The following MTUS2 variants were observed in gnomAD, a reference collection of about 807,000 sequenced individuals.
MTUS2 encodes the protein microtubule-associated tumor suppressor candidate 2.
MTUS2 carries 40 observed loss-of-function variants against 114.1 expected under a neutral mutation model. That is an observed-to-expected ratio of 0.35 (90% CI 0.27 to 0.46). The LOEUF (loss-of-function observed/expected upper bound fraction) is 0.46. MTUS2 is among the 20% of genes least tolerant of loss of function. The pLI is 1.00. For missense variants in MTUS2, 1,679 were observed against 1,705.4 expected (o/e 0.98, Z 0.27); for synonymous variants, 688 against 672.0 (o/e 1.02, Z -0.37).
Position 29,505,799 on chromosome 13 carries a change from T to C in MTUS2, c.*2593T>C, listed in dbSNP as rs1883201170. 4.4e-6 allele frequency: 1 copy of C among 229,608 alleles called. No homozygotes were observed. The highest frequency in any genetic ancestry group is 8.6e-6 in the Non-Finnish European group (1 of 115,848). The allele number at this position is 229,608 out of a possible 1,614,324, so 14.2% of individuals were successfully genotyped here. A position where few individuals can be genotyped will look rare whatever the true frequency, so the allele number is the denominator to read the frequency against. On this transcript the variant is annotated 3_prime_UTR_variant, in exon 16 of 16. Transcript: ENST00000612955. ...CCACATGCTGGGACAAGGTTCTGGC[T>C]GGATGTCAGAATGGATGGGGGTGGG...
chr13:28,868,405 G>A (rs1046561165), intron 2 of MTUS2, among the ~76,000 whole-genome samples: 2 of 152,154 alleles, frequency 1.3e-5, no homozygotes, highest in Non-Finnish European at 2.9e-5. Context: ...AGCCTGCTGG[G>A]TTGGCGCCAC....
At chr13:29,105,663 T>TTTTTTTTTG (rs1555237248) in intron 5 of MTUS2, among the ~76,000 whole-genome samples, 2 of 140,358 alleles carry the variant, frequency 1.4e-5, no homozygotes, top group Non-Finnish European at 3.2e-5. Flanking sequence ...TTTTCTTTTT[T>TTTTTTTTTG]TCCTGGTGCA....
chr13:29,215,263 A>G (rs1455507115), intron 5 of MTUS2, among the ~76,000 whole-genome samples: 1 of 151,836 alleles, frequency 6.6e-6, no homozygotes, highest in African/African-American at 2.4e-5. Flanking sequence ...CAGTTCCTGT[A>G]AGCTTTTATC....
chr13:29,091,618 A>T (rs774499360), intron 4 of MTUS2, among the ~76,000 whole-genome samples: 1 of 152,106 alleles, frequency 6.6e-6, no homozygotes, highest in East Asian at 1.9e-4. Flanking sequence ...CCTAGTTGAG[A>T]CACATAACCA....
intron 7 of MTUS2, among the ~76,000 whole-genome samples, chr13:29,350,693 A>T (rs1228994708): frequency 3.3e-5 from 5 of 151,472 alleles, no homozygotes; most frequent in Non-Finnish European, 7.4e-5. Context: ...TAAACAACAG[A>T]TTTTTTTTCT....
chr13:29,196,128 G>A (rs1195359488), intron 5 of MTUS2, among the ~76,000 whole-genome samples: 1 of 148,598 alleles, frequency 6.7e-6, no homozygotes. Flanking sequence ...ATGGAGTCTC[G>A]CTCTGTCGCC....
intron 2 of MTUS2, among the ~76,000 whole-genome samples, chr13:29,003,078 G>A (rs1381219346): frequency 2.6e-5 from 4 of 152,216 alleles, no homozygotes; most frequent in Non-Finnish European, 4.4e-5. Context: ...AACACACTGA[G>A]AGTTCACGCC....
At chr13:28,840,667 G>A (rs1276630054) in intron 2 of MTUS2, among the ~76,000 whole-genome samples, 3 of 152,204 alleles carry the variant, frequency 2.0e-5, no homozygotes, top group Non-Finnish European at 4.4e-5. Flanking sequence ...CTCTTCCACA[G>A]TGCACAACCT....
chr13:29,215,180 G>A (rs570630375), intron 5 of MTUS2, among the ~76,000 whole-genome samples: 2 of 151,620 alleles, frequency 1.3e-5, no homozygotes, highest in South Asian at 2.1e-4. Flanking sequence ...TATGCTTCAC[G>A]AAGTTCTCTT....
At chr13:28,897,732 A>G (rs1413161875) in intron 2 of MTUS2, among the ~76,000 whole-genome samples, 1 of 152,274 alleles carries the variant, frequency 6.6e-6, no homozygotes, top group East Asian at 1.9e-4. Flanking sequence ...ATAAAAAATG[A>G]TGAGTTCATG....
At chr13:29,077,465 A>T (rs1215231329) in intron 4 of MTUS2, among the ~76,000 whole-genome samples, 1 of 152,244 alleles carries the variant, frequency 6.6e-6, no homozygotes, top group Non-Finnish European at 1.5e-5. Flanking sequence ...AACTTCAAAT[A>T]TGAAATTATA....
intron 4 of MTUS2, among the ~76,000 whole-genome samples, chr13:29,078,766 T>C (rs1593452494): frequency 6.6e-6 from 1 of 152,230 alleles, no homozygotes; most frequent in South Asian, 2.1e-4. Context: ...GTATCAGTAC[T>C]TCACTCCTTT....
intron 5 of MTUS2, among the ~76,000 whole-genome samples, chr13:29,224,700 G>T (rs541096813): frequency 3.4e-4 from 52 of 152,146 alleles, no homozygotes; most frequent in African/African-American, 1.2e-3. Flanking sequence ...AGTGCTTTTT[G>T]CTGTCTTTCT....
intron 8 of MTUS2, among the ~76,000 whole-genome samples, chr13:29,409,650 C>T (rs1875066375): frequency 6.6e-6 from 1 of 152,180 alleles, no homozygotes; most frequent in Non-Finnish European, 1.5e-5. Flanking sequence ...TCCAAAGGAG[C>T]AGATTCATGT....
intron 9 of MTUS2, among the ~76,000 whole-genome samples, chr13:29,465,387 T>G (rs1286351256): frequency 6.6e-6 from 1 of 152,162 alleles, no homozygotes; most frequent in Non-Finnish European, 1.5e-5. Flanking sequence ...GGCCTCAAGC[T>G]CCAGTGCATT....
intron 6 of MTUS2, among the ~76,000 whole-genome samples, chr13:29,317,834 A>G (rs533035890): frequency 9.8e-5 from 15 of 152,306 alleles, no homozygotes; most frequent in Admixed American, 7.8e-4. Context: ...CAATCCCTAT[A>G]AATCCTACCT....
intron 5 of MTUS2, among the ~76,000 whole-genome samples, chr13:29,182,542 A>G (rs1894050831): frequency 6.6e-6 from 1 of 152,228 alleles, no homozygotes; most frequent in Non-Finnish European, 1.5e-5. Flanking sequence ...TACTCATTCA[A>G]CAAATATTCC....
intron 5 of MTUS2, among the ~76,000 whole-genome samples, chr13:29,258,054 A>G (rs964703486): frequency 2.0e-5 from 3 of 152,238 alleles, no homozygotes; most frequent in Admixed American, 6.5e-5. Context: ...TGCCTAACTA[A>G]TTAGCACACA....
chr13:29,002,947 T>C (rs4474549), intron 2 of MTUS2, among the ~76,000 whole-genome samples: 2,696 of 152,306 alleles, frequency 0.018, 83 homozygotes, highest in African/African-American at 0.061. Flanking sequence ...GATAAATTCA[T>C]GAATAAGAAT....
Sources: gnomAD v4.1 joint callset for allele counts (sites outside exome capture counted in the v4.1 genomes callset) on GRCh38, gnomAD v4.1.1 for gene constraint, MANE v1.5 for transcripts, NCBI Gene and HGNC (gene_info 2026-07-23, HGNC 2026-07-21) for gene names.